PDE4D: variants seen among roughly 807,000 people sequenced by gnomAD.
PDE4D encodes the protein phosphodiesterase 4D.
PDE4D carries 24 observed loss-of-function variants against 87.4 expected under a neutral mutation model. The observed-to-expected ratio is 0.27, with a 90% CI of 0.20 to 0.39. The LOEUF (loss-of-function observed/expected upper bound fraction) is 0.39, where lower values mean the gene tolerates loss of function less well. Ranked by LOEUF, PDE4D falls within the 10% of genes least tolerant of loss-of-function variation. The pLI is 1.00. For missense variants in PDE4D, 714 were observed against 1,041.0 expected, an observed-to-expected ratio of 0.69 and a Z score of 4.32; for synonymous variants, 384 against 383.2, an observed-to-expected ratio of 1.00 and a Z score of -0.02.
At chr5:60,476,519 C>T (rs1659348092) in intron 1 of PDE4D, among the ~76,000 whole-genome samples, 1 of 152,168 alleles carries the variant, frequency 6.6e-6, no homozygotes, top group Non-Finnish European at 1.5e-5. Flanking sequence ...CTCTCCCCTG[C>T]CCCAAATCCA....
chr5:60,117,650 T>C (rs1778285835), intron 2 of PDE4D, among the ~76,000 whole-genome samples: 1 of 152,116 alleles, frequency 6.6e-6, no homozygotes, highest in Non-Finnish European at 1.5e-5. Context: ...TGATCCATCA[T>C]CAATCATCAC....
At position 59,156,331 on chromosome 5, in the gene PDE4D, A is replaced by ATATATATATATGTG. The variant is rs1384479557; in HGVS notation, c.808+24263_808+24264insCACATATATATATA. Reference sequence around the variant, plus strand: ...CCAGAAAAAAAAAAAATATATATATATGTGTGTGTGTGTGTGTGTGTGTGT... The same window carrying ATATATATATATGTG: ...CCAGAAAAAAAAAAAATATATATATATATATATATATGTGTGTGTGTGTGTGTGTGTGTGTGTGT... On this transcript the variant is annotated intron_variant, in intron 5 of 14. Transcript: ENST00000340635. Among the ~76,000 whole-genome samples, 306 of 122,718 alleles carry ATATATATATATGTG rather than the reference A, an allele frequency of 2.5e-3. 7 individuals are homozygous for ATATATATATATGTG. The highest frequency in any genetic ancestry group is 8.3e-3 in the African/African-American group (246 of 29,624). The allele number at this position is 122,718 out of a possible 152,430, so 80.5% of individuals were successfully genotyped here.
intron 5 of PDE4D, among the ~76,000 whole-genome samples, chr5:59,096,630 G>A (rs1769770081): frequency 6.6e-6 from 1 of 152,116 alleles, no homozygotes; most frequent in Non-Finnish European, 1.5e-5. Flanking sequence ...TGCAGACATT[G>A]GTCTGTCTCA....
At chr5:59,965,434 T>G (rs750880884) in intron 3 of PDE4D, among the ~76,000 whole-genome samples, 1 of 152,186 alleles carries the variant, frequency 6.6e-6, no homozygotes, top group Non-Finnish European at 1.5e-5. Context: ...TCTAACCTCT[T>G]GATCCATGAG....
At chr5:59,379,247 T>C (rs571655576) in intron 1 of PDE4D, among the ~76,000 whole-genome samples, 2 of 152,296 alleles carry the variant, frequency 1.3e-5, no homozygotes, top group African/African-American at 4.8e-5. Flanking sequence ...GATACATAAA[T>C]AATTTCCTTA....
At chr5:59,510,515 G>C (rs557066233) in intron 1 of PDE4D, among the ~76,000 whole-genome samples, 2 of 151,722 alleles carry the variant, frequency 1.3e-5, no homozygotes, top group East Asian at 3.9e-4. Context: ...AGAAGAATGG[G>C]CATAGTATAA....
At chr5:60,460,469 T>C in intron 1 of PDE4D, 3 of 1,526,850 alleles carry the variant, frequency 2.0e-6, no homozygotes. Context: ...AAATTTGGGA[T>C]TTTGGCGATC....
chr5:59,463,993 C>T (rs1354704144), intron 1 of PDE4D, among the ~76,000 whole-genome samples: 5 of 152,166 alleles, frequency 3.3e-5, no homozygotes, highest in African/African-American at 1.2e-4. Flanking sequence ...GCAAGATGTG[C>T]TTTGTTAAAC....
chr5:59,188,089 T>C (rs1186079814), intron 3 of PDE4D, among the ~76,000 whole-genome samples: 7 of 152,118 alleles, frequency 4.6e-5, no homozygotes, highest in African/African-American at 1.4e-4. Context: ...CCATTGTTCT[T>C]TGCTTTTGTT....
intron 2 of PDE4D, among the ~76,000 whole-genome samples, chr5:60,116,497 C>T (rs898498531): frequency 1.3e-5 from 2 of 152,024 alleles, no homozygotes; most frequent in African/African-American, 2.4e-5. Flanking sequence ...ATTTGACCAA[C>T]GTGTTGTCCC....
intron 2 of PDE4D, among the ~76,000 whole-genome samples, chr5:60,184,621 T>C (rs934262536): frequency 2.0e-5 from 3 of 152,184 alleles, no homozygotes; most frequent in African/African-American, 7.2e-5. Context: ...ACAAACACAG[T>C]TGGGCATACT....
chr5:60,511,937 A>T (rs1750594899), intron 1 of PDE4D, among the ~76,000 whole-genome samples: 1 of 152,120 alleles, frequency 6.6e-6, no homozygotes, highest in South Asian at 2.1e-4. Flanking sequence ...AGGTGAAAAT[A>T]TAAGTCGTAA....
At chr5:59,447,741 C>CATT (rs1798552823) in intron 1 of PDE4D, among the ~76,000 whole-genome samples, 1 of 152,162 alleles carries the variant, frequency 6.6e-6, no homozygotes, top group Non-Finnish European at 1.5e-5. Context: ...TTTCCAAGCC[C>CATT]ATTATTGTGC....
chr5:59,917,270 A>T (rs1297532915), intron 3 of PDE4D, among the ~76,000 whole-genome samples: 1 of 152,168 alleles, frequency 6.6e-6, no homozygotes, highest in East Asian at 1.9e-4. Context: ...GATCTGTGTC[A>T]TTAACCTCAT....
rs1214821874 is a variant in PDE4D, at chr5:58,971,237, T to A, written c.*3427A>T. On this transcript the variant is annotated 3_prime_UTR_variant, in exon 15 of 15. Coordinates refer to ENST00000340635, the MANE Select transcript of PDE4D (RefSeq NM_001104631.2). ...CCAAAGACCTGCAGCTATGTTTTTTTAAATTTATATATCTTTAAGTATTTT... is the reference window on the plus strand; with the variant it reads ...CCAAAGACCTGCAGCTATGTTTTTTAAAATTTATATATCTTTAAGTATTTT... 3 of 152,434 alleles carry A rather than the reference T, an allele frequency of 2.0e-5. No homozygotes were observed. Among genetic ancestry groups the A allele is most frequent in the Admixed American group, 1.3e-4 (2 of 15,286 alleles). The allele number at this position is 152,434 out of a possible 1,614,324, so 9.4% of individuals were successfully genotyped here. A position where few individuals can be genotyped will look rare whatever the true frequency, so the allele number is the denominator to read the frequency against.
At chr5:59,874,621 T>TTGCTG (rs1748292253) in intron 1 of PDE4D, among the ~76,000 whole-genome samples, 2 of 152,194 alleles carry the variant, frequency 1.3e-5, no homozygotes, top group Non-Finnish European at 2.9e-5. Flanking sequence ...TAATATTATA[T>TTGCTG]GTAAAAAAGA....
chr5:59,836,300 T>A (rs1457456762), intron 1 of PDE4D, among the ~76,000 whole-genome samples: 1 of 152,046 alleles, frequency 6.6e-6, no homozygotes, highest in Non-Finnish European at 1.5e-5. Context: ...ATATTATTAT[T>A]TTCCTAACTT....
intron 3 of PDE4D, among the ~76,000 whole-genome samples, chr5:59,187,165 G>C (rs1427393574): frequency 2.6e-5 from 4 of 151,988 alleles, no homozygotes; most frequent in Non-Finnish European, 5.9e-5. Flanking sequence ...CATTTGAAGG[G>C]AAACATCAGT....
intron 1 of PDE4D, among the ~76,000 whole-genome samples, chr5:59,358,467 G>A (rs1325109507): frequency 6.6e-6 from 1 of 152,178 alleles, no homozygotes; most frequent in Non-Finnish European, 1.5e-5. Context: ...GGACTGAAAA[G>A]GTGCTTACAC....
Sources: gnomAD v4.1 joint callset for allele counts (sites outside exome capture counted in the v4.1 genomes callset) on GRCh38, gnomAD v4.1.1 for gene constraint, MANE v1.5 for transcripts, NCBI Gene and HGNC (gene_info 2026-07-23, HGNC 2026-07-21) for gene names.